Variants in COX7A2L observed in about 807,000 individuals in gnomAD.
COX7A2L encodes the protein cytochrome c oxidase subunit 7A2-like, mitochondrial.
Under a neutral mutation model 14.2 loss-of-function variants are expected in COX7A2L, and 18 were observed. That is an observed-to-expected ratio of 1.27 (90% confidence interval 0.88 to 1.88). The LOEUF (loss-of-function observed/expected upper bound fraction) is 1.88, where lower values mean the gene tolerates loss of function less well. COX7A2L is among the 40% of genes most tolerant of loss of function. The pLI is 0.00. For synonymous variants in COX7A2L, 65 were observed against 57.4 expected, an observed-to-expected ratio of 1.13 and a Z score of -0.60; for missense variants, 179 against 138.8, an observed-to-expected ratio of 1.29 and a Z score of -1.46.
rs758542580 is a variant in COX7A2L, at chr2:42,351,255, G to C, written c.309C>G (p.Ile103Met). ...TGGGCTGCGAAGCCATGTAGAGGGC[G>C]ATCAGGCAGTAGATGGTCCCTCCCA... is the stretch of plus-strand genomic sequence containing the variant. ...LTVGGTIYCL[I>M]ALYMASQPKN... Residue 103 changes from isoleucine to methionine, a missense_variant, in exon 3 of 3, where the codon ATC becomes ATG. Ile to Met is a conservative substitution (Grantham distance 10). Transcript: ENST00000234301. The C allele has an allele frequency of 1.2e-6, 2 of 1,614,140 alleles. No homozygotes were observed. Among genetic ancestry groups the C allele is most frequent in the South Asian group, 2.2e-5 (2 of 91,074 alleles).
intron 2 of COX7A2L, among the ~76,000 whole-genome samples, chr2:42,337,039 C>T (rs532514763): frequency 2.0e-5 from 3 of 152,252 alleles, no homozygotes; most frequent in African/African-American, 7.2e-5. Context: ...GTCAGGTTCC[C>T]TCAAAATTAG....
Position 42,361,154 on chromosome 2 carries a change from T to C in COX7A2L, c.8A>G (p.Tyr3Cys), listed in dbSNP as rs1400073087. 3.7e-6 allele frequency: 6 copies of C among 1,612,926 alleles called. No individual in the cohort carries two copies. In the African/African-American group the frequency reaches 4.0e-5, roughly 11 times the overall value. ...CTTCTGCGTGAAGCCACTAAACTTG[T>C]AGTACATGACGCCCAGAGTCCGGCT... The part of the protein sequence containing the change: MY[Y>C]KFSGFTQKLA... The change falls in exon 1 of 3, where the codon TAC (tyrosine) becomes TGC (cysteine). Residue 3 changes from tyrosine to cysteine, a missense_variant. Physicochemically the swap from Tyr to Cys is radical, Grantham distance 194. Transcript: ENST00000234301.
chr2:42,346,426 T>C (rs1363640355), downstream of COX7A2L, among the ~76,000 whole-genome samples: 2 of 151,986 alleles, frequency 1.3e-5, no homozygotes, highest in African/African-American at 4.8e-5. Context: ...GGCTCAGGAG[T>C]CACTAGAGAC....
chr2:42,351,660 A>G (rs1670649555), intron 2 of COX7A2L, among the ~76,000 whole-genome samples: 1 of 152,218 alleles, frequency 6.6e-6, no homozygotes, highest in African/African-American at 2.4e-5. Flanking sequence ...AGGCAAAGGT[A>G]ATCAGTAGCT....
At chr2:42,345,760 C>A (rs1464134058), downstream of COX7A2L, among the ~76,000 whole-genome samples, 2 of 152,182 alleles carry the variant, frequency 1.3e-5, no homozygotes, top group Admixed American at 1.3e-4. Flanking sequence ...ATGAAGTCTT[C>A]ATACCCCCGG....
downstream of COX7A2L, among the ~76,000 whole-genome samples, chr2:42,346,545 C>T (rs1391934128): frequency 1.3e-5 from 2 of 152,146 alleles, no homozygotes; most frequent in African/African-American, 4.8e-5. Flanking sequence ...TGGGAGGCTA[C>T]AGCAGGAGGA....
At chr2:42,343,554 T>A (rs551560616) in intron 2 of COX7A2L, among the ~76,000 whole-genome samples, 1 of 152,236 alleles carries the variant, frequency 6.6e-6, no homozygotes, top group South Asian at 2.1e-4. Context: ...CAACCCGACA[T>A]GGGCAGTCTG....
rs980329425 is a variant in COX7A2L at position 42,338,731 on chromosome 2, G to A, written c.193-4862C>T. Among the ~76,000 whole-genome samples the A allele has an allele frequency of 6.6e-6, 1 of 152,170 alleles. No homozygotes were observed. The highest frequency in any genetic ancestry group is 2.1e-4 in the South Asian group (1 of 4,828). ...TCTAACCACTGGCTACGGTGGAAAA[G>A]GCCTCAGGAAACAGTTTTCACTCAC... On this transcript the variant is annotated intron_variant, in intron 2 of 2. Transcript: ENST00000468711. The surrounding 1 kb of genome is among the most constrained non-coding windows in gnomAD (Gnocchi z 4.4).
intron 2 of COX7A2L, among the ~76,000 whole-genome samples, chr2:42,337,566 T>C (rs532284787): frequency 6.6e-6 from 1 of 152,098 alleles, no homozygotes; most frequent in Non-Finnish European, 1.5e-5. Context: ...TCAAATTCCA[T>C]AGAGTGCACG....
Position 42,351,106 on chromosome 2 carries a change from T to G in COX7A2L, c.*113A>C. The G allele has an allele frequency of 8.4e-7, 1 of 1,190,154 alleles. No homozygotes were observed. Among genetic ancestry groups the G allele is most frequent in the Non-Finnish European group, 1.1e-6 (1 of 872,230 alleles). The allele number at this position is 1,190,154 out of a possible 1,614,324, so 73.7% of individuals were successfully genotyped here. A position where few individuals can be genotyped will look rare whatever the true frequency, so the allele number is the denominator to read the frequency against. ...ACATCATCTTCATATCTTCCTATTT[T>G]TCTTGCAAAAATGTTAAGCCATCCA... On this transcript the variant is annotated 3_prime_UTR_variant, in exon 3 of 3. Transcript: ENST00000234301.
At chr2:42,337,171 T>C (rs1019440200) in intron 2 of COX7A2L, among the ~76,000 whole-genome samples, 1 of 152,230 alleles carries the variant, frequency 6.6e-6, no homozygotes, top group African/African-American at 2.4e-5. Context: ...GCTTAAATTC[T>C]AGAATCAACC....
chr2:42,355,458 T>C (rs957347322), intron 1 of COX7A2L, among the ~76,000 whole-genome samples: 5 of 152,210 alleles, frequency 3.3e-5, no homozygotes, highest in East Asian at 1.9e-4. Flanking sequence ...TTTGAAGGGA[T>C]TGTATTTGTT....
chr2:42,368,268 C>T (rs933591687), intron 1 of COX7A2L, among the ~76,000 whole-genome samples: 1 of 152,172 alleles, frequency 6.6e-6, no homozygotes, highest in Non-Finnish European at 1.5e-5. Flanking sequence ...CACCTTCCTT[C>T]CTGTCCCCAG....
Position 42,361,180 on chromosome 2 carries a change from TC to T in COX7A2L, c.-20del, listed in dbSNP as rs1447881800. 2 of 1,595,612 alleles carry T rather than the reference TC, an allele frequency of 1.3e-6. No individual in the cohort carries two copies. Among genetic ancestry groups the T allele is most frequent in the South Asian group, 1.1e-5 (1 of 88,928 alleles). On this transcript the variant is annotated 5_prime_UTR_variant, in exon 1 of 3. Coordinates refer to ENST00000234301, the MANE Select transcript of COX7A2L (RefSeq NM_004718.4). The stretch of plus-strand genomic sequence containing the variant: ...AGTACATGACGCCCAGAGTCCGGCT[TC>T]CCGCATCCGCTGCCAACGCGACCGC...
downstream of COX7A2L, among the ~76,000 whole-genome samples, chr2:42,346,133 C>T (rs1425485958): frequency 2.0e-5 from 3 of 152,172 alleles, no homozygotes; most frequent in African/African-American, 7.2e-5. Flanking sequence ...TGGAGGACAC[C>T]TCACCCAAAT....
chr2:42,345,781 A>T (rs1670483809), downstream of COX7A2L, among the ~76,000 whole-genome samples: 1 of 152,190 alleles, frequency 6.6e-6, no homozygotes, highest in South Asian at 2.1e-4. Context: ...GGTCATGTGA[A>T]CCCAGAGCAC....
At position 42,338,204 on chromosome 2, in the gene COX7A2L, G is replaced by A. The variant is rs1362905578; in HGVS notation, c.193-4335C>T. ...GCCGTTCCGTGTTTCTCCCCCAGCC[G>A]CAGCGGCCAGGGAGCCGCTCCTCGT... On this transcript the variant is annotated intron_variant, in intron 2 of 2. Coordinates refer to the COX7A2L transcript ENST00000468711. This position sits in a 1 kb window ranked among gnomAD's most constrained non-coding sequence, Gnocchi z 4.4. Among the ~76,000 whole-genome samples, 1 of 152,150 alleles carries A rather than the reference G, an allele frequency of 6.6e-6. No homozygotes were observed. The highest frequency in any genetic ancestry group is 1.5e-5 in the Non-Finnish European group (1 of 68,036).
At chr2:42,340,697 G>C (rs999665054) in intron 2 of COX7A2L, among the ~76,000 whole-genome samples, 1 of 152,066 alleles carries the variant, frequency 6.6e-6, no homozygotes, top group Non-Finnish European at 1.5e-5. Flanking sequence ...CACGTGAGGT[G>C]CAAGTTCAAC....
rs769430526 is a variant in COX7A2L at position 42,338,568 on chromosome 2, G to T, written c.193-4699C>A. ...CAGGCTTGGACATTTCCATGGAGAA[G>T]ATGATTAATTATGAACCAAGAATCC... On this transcript the variant is annotated intron_variant, in intron 2 of 2. Coordinates refer to the COX7A2L transcript ENST00000468711. This position sits in a 1 kb window ranked among gnomAD's most constrained non-coding sequence, Gnocchi z 4.4. 4.6e-5 allele frequency among the ~76,000 whole-genome samples: 7 copies of T among 152,294 alleles called. No individual in the cohort carries two copies. Among genetic ancestry groups the T allele is most frequent in the Admixed American group, 2.6e-4 (4 of 15,294 alleles).
Sources: gnomAD v4.1 joint callset for allele counts (sites outside exome capture counted in the v4.1 genomes callset) on GRCh38, gnomAD v4.1.1 for gene constraint, Gnocchi (gnomAD v3.1) non-coding constraint, MANE v1.5 for transcripts, NCBI Gene and HGNC (gene_info 2026-07-23, HGNC 2026-07-21) for gene names.